DAPK1: variants seen among roughly 807,000 people sequenced by gnomAD.
DAPK1 encodes the protein death-associated protein kinase 1.
A neutral mutation model predicts 144.9 loss-of-function variants in DAPK1; 56 were observed. That is an observed-to-expected ratio of 0.39 (90% CI 0.31 to 0.48). The LOEUF is 0.48. Ranked by LOEUF, DAPK1 falls within the 20% of genes least tolerant of loss-of-function variation. DAPK1 has a pLI of 0.95. For synonymous variants in DAPK1, 690 were observed against 749.0 expected (o/e 0.92, Z 1.29); for missense variants, 1,454 against 1,875.4 (o/e 0.78, Z 4.15).
In DAPK1 at chr9:87,614,030, G is replaced by C. The variant is rs1829014185; in HGVS notation, c.284+8855G>C. ...TAAAGTGCATTTGGCAGCAGTCTCT[G>C]CCTTTCAAAGCAGAGCTAAATCATG... On this transcript the variant is annotated intron_variant, in intron 3 of 25. Coordinates refer to ENST00000408954, the MANE Select transcript of DAPK1 (RefSeq NM_004938.4). Among the ~76,000 whole-genome samples the C allele has an allele frequency of 2.0e-5, 3 of 152,340 alleles. No homozygotes were observed. In the South Asian group the frequency reaches 6.2e-4, roughly 32 times the overall value.
intron 21 of DAPK1, among the ~76,000 whole-genome samples, chr9:87,690,794 A>C (rs1051719038): frequency 6.6e-6 from 1 of 152,094 alleles, no homozygotes; most frequent in African/African-American, 2.4e-5. Flanking sequence ...CTTTTTCGGC[A>C]TCTGTTGAGA....
At chr9:87,514,606 A>G (rs1824975918) in intron 2 of DAPK1, among the ~76,000 whole-genome samples, 1 of 152,218 alleles carries the variant, frequency 6.6e-6, no homozygotes, top group Non-Finnish European at 1.5e-5. Flanking sequence ...CCCAAATTGA[A>G]CATTTAAGTG....
At position 87,706,243 on chromosome 9, in the gene DAPK1, C is replaced by A. The variant is rs776064946; in HGVS notation, c.3172C>A (p.His1058Asn). The change falls in exon 26 of 26, where the codon CAC becomes AAC. Residue 1058 changes from histidine (H) to asparagine (N), a missense_variant. This residue lies in a region of DAPK1 where 1,025 missense variants were observed against 1,237.9 expected (regional missense o/e 0.83). Transcript: ENST00000408954. This position sits in a 1 kb window ranked among gnomAD's most constrained non-coding sequence, Gnocchi z 9.0. ...LLSVETPRAL[H>N]HYRGRYTVED... ...GTCCGTGGAGACCCCACGGGCGCTG[C>A]ACCACTACCGGGGCCGCTACACCGT... 3.7e-6 allele frequency: 6 copies of A among 1,613,740 alleles called. No individual in the cohort carries two copies. The Admixed American group carries it at 1.0e-4, about 27-fold the overall frequency.
intron 18 of DAPK1, among the ~76,000 whole-genome samples, chr9:87,662,570 T>TTTTG (rs1554700261): frequency 2.2e-5 from 3 of 135,794 alleles, no homozygotes; most frequent in Non-Finnish European, 4.7e-5. Flanking sequence ...GTTTTTTTTT[T>TTTTG]TTTTTTTTTT....
At chr9:87,536,715 A>T (rs10868618) in intron 2 of DAPK1, among the ~76,000 whole-genome samples, 70,184 of 152,014 alleles carry the variant, frequency 0.46, 16,425 homozygotes, top group South Asian at 0.58. Context: ...TCTTTTGCGT[A>T]TTTATAGCTA....
chr9:87,707,718 T>A lies in DAPK1; in HGVS notation c.*354T>A, dbSNP rs554896411. The A allele has an allele frequency of 6.3e-5, 26 of 412,624 alleles. No homozygotes were observed. The highest frequency in any genetic ancestry group is 3.7e-4 in the African/African-American group (18 of 48,748). The allele number at this position is 412,624 out of a possible 1,614,324, so 25.6% of individuals were successfully genotyped here. A position where few individuals can be genotyped will look rare whatever the true frequency, so the allele number is the denominator to read the frequency against. ...CCTAACTTTTCAATGACATTTTTTTTAACTACTATATTGATTGTCCTTTAA... is the reference window on the plus strand; with the variant it reads ...CCTAACTTTTCAATGACATTTTTTTAAACTACTATATTGATTGTCCTTTAA... On this transcript the variant is annotated 3_prime_UTR_variant, in exon 26 of 26. Coordinates refer to ENST00000408954, the MANE Select transcript of DAPK1 (RefSeq NM_004938.4). This position sits in a 1 kb window ranked among gnomAD's most constrained non-coding sequence, Gnocchi z 4.0.
In DAPK1 at chr9:87,666,663, G is replaced by A. The variant is rs183607607; in HGVS notation, c.1924-1934G>A. ...TGATTTTTGTATTTTTAGTAAAGAC[G>A]GGGTTTCACCATGTTGGGCAGGCTG... On this transcript the variant is annotated intron_variant, in intron 18 of 25. Transcript: ENST00000408954. 2.0e-4 allele frequency among the ~76,000 whole-genome samples: 30 copies of A among 151,934 alleles called. No homozygotes were observed. In the East Asian group the frequency reaches 3.1e-3, roughly 16 times the overall value.
chr9:87,647,951 T>C (rs1489216389), intron 14 of DAPK1, among the ~76,000 whole-genome samples: 2 of 152,268 alleles, frequency 1.3e-5, no homozygotes, highest in East Asian at 3.8e-4. Flanking sequence ...ATCCTGTGAA[T>C]TAATTGGCTG....
intron 2 of DAPK1, among the ~76,000 whole-genome samples, chr9:87,572,486 C>T (rs1827396319): frequency 6.6e-6 from 1 of 152,124 alleles, no homozygotes; most frequent in Admixed American, 6.6e-5. Context: ...AATTGCAATC[C>T]TCCATGTTGG....
chr9:87,657,133 G>T (rs1307979786), intron 17 of DAPK1, among the ~76,000 whole-genome samples: 1 of 152,096 alleles, frequency 6.6e-6, no homozygotes, highest in African/African-American at 2.4e-5. Flanking sequence ...TAGATCAAAA[G>T]AAATCCCTAA....
chr9:87,632,583 TGAAGGAGG>T lies in DAPK1; in HGVS notation c.285-5359_285-5352del, dbSNP rs1373992243. ...AGGAGGATGAGTATACATGTAGGGA[TGAAGGAGG>T]ATGAGTATGTATATAGGAATGAAGG... On this transcript the variant is annotated intron_variant, in intron 3 of 25. Coordinates refer to ENST00000408954, the MANE Select transcript of DAPK1 (RefSeq NM_004938.4). 7.3e-5 allele frequency: 71 copies of T among 974,538 alleles called. No individual in the cohort carries two copies. The African/African-American group carries it at 1.1e-3, about 16-fold the overall frequency. The allele number at this position is 974,538 out of a possible 1,614,324, so 60.4% of individuals were successfully genotyped here. A position where few individuals can be genotyped will look rare whatever the true frequency, so the allele number is the denominator to read the frequency against.
chr9:87,631,887 T>A (rs920011836), intron 3 of DAPK1, among the ~76,000 whole-genome samples: 2 of 152,238 alleles, frequency 1.3e-5, no homozygotes, highest in African/African-American at 4.8e-5. Context: ...TTAGTTTCAA[T>A]TATTTTAATT....
chr9:87,539,537 C>T (rs1825971020), intron 2 of DAPK1, among the ~76,000 whole-genome samples: 1 of 88,500 alleles, frequency 1.1e-5, no homozygotes, highest in African/African-American at 3.4e-5. Context: ...TCAAGTGATT[C>T]TCCTGCCTCA....
intron 18 of DAPK1, among the ~76,000 whole-genome samples, chr9:87,663,459 C>A (rs1830936725): frequency 6.6e-6 from 1 of 152,110 alleles, no homozygotes; most frequent in South Asian, 2.1e-4. Context: ...GCCAGCTCTT[C>A]CTTTTGCTTC....
At chr9:87,564,850 C>T (rs1314632395) in intron 2 of DAPK1, among the ~76,000 whole-genome samples, 3 of 152,106 alleles carry the variant, frequency 2.0e-5, no homozygotes, top group Non-Finnish European at 4.4e-5. Flanking sequence ...TTGGGGAACA[C>T]ATTCAAACCA....
chr9:87,586,550 A>G (rs139318137), intron 2 of DAPK1, among the ~76,000 whole-genome samples: 138 of 152,338 alleles, frequency 9.1e-4, no homozygotes, highest in African/African-American at 3.2e-3. Flanking sequence ...TGGACACGTC[A>G]TCTAAACAAA....
chr9:87,615,723 G>A (rs372961215), intron 3 of DAPK1, among the ~76,000 whole-genome samples: 1 of 152,188 alleles, frequency 6.6e-6, no homozygotes, highest in African/African-American at 2.4e-5. Flanking sequence ...CACAGTGGGC[G>A]CCTCCCTGAA....
intron 18 of DAPK1, among the ~76,000 whole-genome samples, chr9:87,665,727 T>C (rs1220216721): frequency 6.6e-6 from 1 of 152,158 alleles, no homozygotes; most frequent in Non-Finnish European, 1.5e-5. Flanking sequence ...CCTTTCACCT[T>C]TCCATGGATT....
intron 3 of DAPK1, among the ~76,000 whole-genome samples, chr9:87,611,442 G>A (rs1828924889): frequency 6.6e-6 from 1 of 152,076 alleles, no homozygotes; most frequent in African/African-American, 2.4e-5. Context: ...AAGCCACTGG[G>A]CCCAGCTCAG....
Sources: allele counts gnomAD v4.1 joint callset (sites outside exome capture counted in the v4.1 genomes callset), GRCh38; gene constraint gnomAD v4.1.1; regional missense constraint gnomAD v4.1.1; non-coding constraint Gnocchi (gnomAD v3.1); transcripts MANE v1.5; gene names NCBI Gene and HGNC (gene_info 2026-07-23, HGNC 2026-07-21).